The following CWF19L2 variants were observed in gnomAD, a reference collection of about 807,000 sequenced individuals.
CWF19L2 encodes the protein CWF19-like protein 2.
A neutral mutation model predicts 111.7 loss-of-function variants in CWF19L2; 98 were observed. The observed-to-expected ratio is 0.88, with a 90% CI of 0.75 to 1.04. The LOEUF (loss-of-function observed/expected upper bound fraction) is 1.04. CWF19L2 is among the 50% of genes least tolerant of loss of function. The pLI is 0.00. For missense variants in CWF19L2, 1,101 were observed against 1,051.4 expected, an observed-to-expected ratio of 1.05 and a Z score of -0.65; for synonymous variants, 351 against 342.9, an observed-to-expected ratio of 1.02 and a Z score of -0.26.
At chr11:107,408,124 C>T (rs1413527247) in intron 10 of CWF19L2, among the ~76,000 whole-genome samples, 1 of 151,882 alleles carries the variant, frequency 6.6e-6, no homozygotes, top group African/African-American at 2.4e-5. Flanking sequence ...TGCACTAGGC[C>T]CTGTTCAATA....
At chr11:107,361,445 T>C (rs953528664) in intron 12 of CWF19L2, among the ~76,000 whole-genome samples, 2 of 152,220 alleles carry the variant, frequency 1.3e-5, no homozygotes, top group Non-Finnish European at 2.9e-5. Flanking sequence ...TTAGGATTTC[T>C]TTGGCTATTA....
At chr11:107,328,100 T>A in intron 17 of CWF19L2, among the ~76,000 whole-genome samples, 2 of 130,870 alleles carry the variant, frequency 1.5e-5, no homozygotes, top group Admixed American at 8.5e-5. Context: ...TCTCATAAAG[T>A]AGAAGGTAAG....
intron 12 of CWF19L2, among the ~76,000 whole-genome samples, chr11:107,377,912 A>G (rs1332290119): frequency 6.6e-6 from 1 of 151,234 alleles, no homozygotes; most frequent in Non-Finnish European, 1.5e-5. Flanking sequence ...ACTCAAACAA[A>G]TTTACAAGAA....
chr11:107,450,201 T>G (rs948581494), intron 3 of CWF19L2, among the ~76,000 whole-genome samples: 1 of 152,014 alleles, frequency 6.6e-6, no homozygotes, highest in Non-Finnish European at 1.5e-5. Flanking sequence ...GTCAAGACTT[T>G]GAGACCAGGC....
intron 10 of CWF19L2, among the ~76,000 whole-genome samples, chr11:107,393,704 C>T (rs897288571): frequency 2.6e-5 from 4 of 152,210 alleles, no homozygotes; most frequent in African/African-American, 9.6e-5. Context: ...ACTACACAAT[C>T]ACACAAAAAA....
intron 12 of CWF19L2, among the ~76,000 whole-genome samples, chr11:107,355,198 C>T (rs923556222): frequency 3.3e-5 from 5 of 152,082 alleles, no homozygotes; most frequent in African/African-American, 7.2e-5. Context: ...AGGCGGATCA[C>T]GAGGTCCAGG....
At position 107,357,134 on chromosome 11, in the gene CWF19L2, A is replaced by T. The variant is rs915981111; in HGVS notation, c.1873-3398T>A. Among the ~76,000 whole-genome samples the T allele has an allele frequency of 4.6e-5, 7 of 152,228 alleles. No homozygotes were observed. In the East Asian group the frequency reaches 1.3e-3, roughly 29 times the overall value. On this transcript the variant is annotated intron_variant, in intron 12 of 17. Transcript: ENST00000282251. ...ACCAAAATCACACAGCTATTAAAGG[A>T]CAGAACCAGGAATCAAAACTGGTTG...
Position 107,392,911 on chromosome 11 carries a change from G to C in CWF19L2, c.1618-16C>G. On this transcript the variant is annotated splice_polypyrimidine_tract_variant and intron_variant, in intron 10 of 17. Coordinates refer to ENST00000282251, the MANE Select transcript of CWF19L2 (RefSeq NM_152434.3). ...GGTCTTCATTCTATAAAAAGATTTA[G>C]AGATAACTATTGAAATTATTGTGAA... 7.1e-7 allele frequency: 1 copy of C among 1,401,154 alleles called. No homozygotes were observed. Among genetic ancestry groups the C allele is most frequent in the Non-Finnish European group, 9.8e-7 (1 of 1,018,350 alleles). 86.8% of individuals were successfully genotyped at this position (1,401,154 alleles called of 1,614,324 possible). A position where few individuals can be genotyped will look rare whatever the true frequency, so the allele number is the denominator to read the frequency against.
intron 12 of CWF19L2, among the ~76,000 whole-genome samples, chr11:107,382,899 T>A (rs893023874): frequency 1.6e-4 from 24 of 152,236 alleles, no homozygotes; most frequent in African/African-American, 5.5e-4. Flanking sequence ...CCCTATGCAA[T>A]GGGGGAAGGA....
Position 107,439,022 on chromosome 11 carries a change from G to A in CWF19L2, c.664+68C>T, listed in dbSNP as rs879150927. The A allele has an allele frequency of 7.0e-6, 5 of 716,632 alleles. No homozygotes were observed. The Admixed American group carries it at 1.1e-4, about 16-fold the overall frequency. The allele number at this position is 716,632 out of a possible 1,614,324, so 44.4% of individuals were successfully genotyped here. On this transcript the variant is annotated intron_variant, in intron 6 of 17. Coordinates refer to ENST00000282251, the MANE Select transcript of CWF19L2 (RefSeq NM_152434.3). ...CACTGCACTCCCTGGCTGACAGAGC[G>A]AGACTCTGTCTCGAAAAAAAAAAAA...
At chr11:107,398,114 A>C (rs751086342) in intron 10 of CWF19L2, among the ~76,000 whole-genome samples, 2 of 152,132 alleles carry the variant, frequency 1.3e-5, no homozygotes, top group Non-Finnish European at 2.9e-5. Flanking sequence ...ATGACAAAAC[A>C]AGGCTCTTCA....
intron 12 of CWF19L2, among the ~76,000 whole-genome samples, chr11:107,382,974 C>A (rs529580448): frequency 1.3e-5 from 2 of 152,370 alleles, no homozygotes; most frequent in East Asian, 3.9e-4. Flanking sequence ...TTCTGGATAC[C>A]TGAACACGTA....
intron 12 of CWF19L2, 102 bp downstream of exon 12, chr11:107,389,972 A>C: frequency 1.0e-6 from 1 of 968,522 alleles, no homozygotes; most frequent in African/African-American, 1.7e-5. Flanking sequence ...TAATAAAATG[A>C]ATCAAGATTA....
Position 107,390,084 on chromosome 11 carries a change from A to C in CWF19L2, c.1862T>G (p.Met621Arg). 6.2e-7 allele frequency: 1 copy of C among 1,612,642 alleles called. No individual in the cohort carries two copies. The highest frequency in any genetic ancestry group is 1.1e-5 in the South Asian group (1 of 90,820). The change falls in exon 12 of 18, where the codon ATG becomes AGG. Residue 621 changes from methionine to arginine, a missense_variant. By Grantham distance (91) the Met-to-Arg change is moderately conservative (BLOSUM62 -1). Coordinates refer to ENST00000282251, the MANE Select transcript of CWF19L2 (RefSeq NM_152434.3). ...AGGAATATATCTTACCTTAGATGCC[A>C]TTCTCATAAAGAGCTTGTTTTGATT... ...AENQNKLFMR[M>R]ASKFMGKTDG...
chr11:107,344,792 A>G (rs915745407), intron 14 of CWF19L2, among the ~76,000 whole-genome samples: 8 of 152,164 alleles, frequency 5.3e-5, no homozygotes, highest in African/African-American at 1.9e-4. Context: ...ATATTTTGAG[A>G]ATTAAGAGAC....
chr11:107,380,150 G>T (rs543842745), intron 12 of CWF19L2, among the ~76,000 whole-genome samples: 1 of 148,816 alleles, frequency 6.7e-6, no homozygotes, highest in South Asian at 2.1e-4. Flanking sequence ...GAAAAAAAAT[G>T]GTTTGCAATG....
chr11:107,426,728 ATG>A (rs2135406583), intron 8 of CWF19L2, among the ~76,000 whole-genome samples: 1 of 151,886 alleles, frequency 6.6e-6, no homozygotes, highest in South Asian at 2.1e-4. Context: ...TGAATGGTAT[ATG>A]CATTGTAGAG....
chr11:107,417,407 C>T (rs566781494), intron 9 of CWF19L2, among the ~76,000 whole-genome samples: 3 of 152,298 alleles, frequency 2.0e-5, no homozygotes, highest in East Asian at 3.9e-4. Context: ...AACATTACTA[C>T]AGGAATTAAA....
intron 10 of CWF19L2, among the ~76,000 whole-genome samples, chr11:107,408,570 T>C (rs1342980175): frequency 6.6e-6 from 1 of 152,020 alleles, no homozygotes; most frequent in Non-Finnish European, 1.5e-5. Context: ...TTTCTTAAAA[T>C]ATTTGCTCCT....
Sources: gnomAD v4.1 joint callset for allele counts (sites outside exome capture counted in the v4.1 genomes callset) on GRCh38, gnomAD v4.1.1 for gene constraint, MANE v1.5 for transcripts, NCBI Gene and HGNC (gene_info 2026-07-23, HGNC 2026-07-21) for gene names.